TAS1R2: variants seen among roughly 807,000 people sequenced by gnomAD.
TAS1R2 encodes the protein taste 1 receptor member 2, also known as taste receptor type 1 member 2.
A neutral mutation model predicts 49.3 loss-of-function variants in TAS1R2; 47 were observed. That is an observed-to-expected ratio of 0.95 (90% CI 0.75 to 1.22). The LOEUF (loss-of-function observed/expected upper bound fraction) is 1.22, where lower values mean the gene tolerates loss of function less well. TAS1R2 is among the 50% of genes most tolerant of loss of function. TAS1R2 has a pLI of 0.00. For synonymous variants in TAS1R2, 479 were observed against 467.9 expected (o/e 1.02, Z -0.31); for missense variants, 1,155 against 1,122.1 (o/e 1.03, Z -0.42).
exon 6 of TAS1R2, chr1:18,839,764 C>A: frequency 6.2e-7 from 1 of 1,614,206 alleles, no homozygotes; most frequent in Non-Finnish European, 8.5e-7. Context: ...TGACCAGCAC[C>A]CCGCTGTAGG....
chr1:18,843,062 A>G (rs1202470930), intron 4 of TAS1R2, among the ~76,000 whole-genome samples: 1 of 152,228 alleles, frequency 6.6e-6, no homozygotes, highest in Non-Finnish European at 1.5e-5. Context: ...AAGAAGAAAG[A>G]TGTTACATCA....
intron 4 of TAS1R2, among the ~76,000 whole-genome samples, chr1:18,847,506 A>G (rs1187088069): frequency 6.6e-6 from 1 of 152,054 alleles, no homozygotes; most frequent in Non-Finnish European, 1.5e-5. Context: ...AACTGGGGAT[A>G]GAGTGCTGTC....
At chr1:18,859,365 G>A in intron 1 of TAS1R2, 114 bp downstream of exon 1, 1 of 1,280,818 alleles carries the variant, frequency 7.8e-7, no homozygotes, top group Non-Finnish European at 1.1e-6. Flanking sequence ...GCAATGAATG[G>A]GGAGGAGTGC....
chr1:18,850,725 G>C (rs766884446), intron 3 of TAS1R2, among the ~76,000 whole-genome samples: 2 of 152,276 alleles, frequency 1.3e-5, no homozygotes, highest in Non-Finnish European at 2.9e-5. Context: ...CTGAGTGGGT[G>C]GGAGCCTAGA....
At position 18,854,598 on chromosome 1, in the gene TAS1R2, T is replaced by G; in HGVS notation, c.872A>C (p.Gln291Pro). ...GATCCACACGGCGCCAGTGAAGTTCTGGCGCAGCACCTCATTGAAGAAGTG... is the reference window on the plus strand; with the variant it reads ...GATCCACACGGCGCCAGTGAAGTTCGGGCGCAGCACCTCATTGAAGAAGTG... The change falls in exon 3 of 6, where the codon CAG (glutamine) becomes CCG (proline). Residue 291 changes from glutamine to proline, a missense_variant. By Grantham distance (76) the Gln-to-Pro change is moderately conservative (BLOSUM62 -1). Coordinates refer to ENST00000375371, the Ensembl canonical transcript of TAS1R2. This position sits in a 1 kb window ranked among gnomAD's most constrained non-coding sequence, Gnocchi z 4.9. 6.2e-7 allele frequency: 1 copy of G among 1,614,050 alleles called. No homozygotes were observed. The highest frequency in any genetic ancestry group is 2.2e-5 in the East Asian group (1 of 44,866).
At chr1:18,844,182 T>G (rs1364641120) in intron 4 of TAS1R2, among the ~76,000 whole-genome samples, 1 of 152,164 alleles carries the variant, frequency 6.6e-6, no homozygotes, top group Non-Finnish European at 1.5e-5. Context: ...ACTGCTTGTA[T>G]GTGGAGATGC....
chr1:18,849,690 G>A (rs760128829), intron 3 of TAS1R2, 140 bp from the exon 4 acceptor site: 45 of 982,708 alleles, frequency 4.6e-5, no homozygotes, highest in Non-Finnish European at 5.7e-5. Context: ...TCTCCGAAAG[G>A]GTGGCAATTT....
chr1:18,847,498 C>G (rs1039663765), intron 4 of TAS1R2, among the ~76,000 whole-genome samples: 1 of 152,182 alleles, frequency 6.6e-6, no homozygotes, highest in Admixed American at 6.5e-5. Context: ...ACCTCTGCAA[C>G]TGGGGATAGA....
In TAS1R2 at chr1:18,854,855, C is replaced by A. The variant is rs992885491; in HGVS notation, c.615G>T (p.Trp205Cys). ...TGTCGCTGCTCACCAGCACAATGATCCAGTTCCAGCGGAAGTGCAGCATCA... is the reference window on the plus strand; with the variant it reads ...TGTCGCTGCTCACCAGCACAATGATACAGTTCCAGCGGAAGTGCAGCATCA... The change falls in exon 3 of 6, where the codon TGG (tryptophan) becomes TGT (cysteine). Residue 205 changes from tryptophan to cysteine, a missense_variant. Trp to Cys is a radical substitution (Grantham distance 215, BLOSUM62 -2). Coordinates refer to ENST00000375371, the Ensembl canonical transcript of TAS1R2. The surrounding 1 kb of genome is among the most constrained non-coding windows in gnomAD (Gnocchi z 4.9). 2 of 1,610,728 alleles carry A rather than the reference C, an allele frequency of 1.2e-6. No individual in the cohort carries two copies. The highest frequency in any genetic ancestry group is 1.7e-6 in the Non-Finnish European group (2 of 1,179,812).
chr1:18,855,428 C>T (rs905723163), intron 2 of TAS1R2, among the ~76,000 whole-genome samples: 1 of 152,190 alleles, frequency 6.6e-6, no homozygotes, highest in Non-Finnish European at 1.5e-5. Context: ...CATTTCTTCC[C>T]TCCACCTCCA....
intron 2 of TAS1R2, 100 bp from the exon 3 acceptor site, chr1:18,855,086 G>T: frequency 6.9e-7 from 1 of 1,448,766 alleles, no homozygotes; most frequent in Non-Finnish European, 9.3e-7. Flanking sequence ...AGCACCTAGT[G>T]CAAGCCACCC....
chr1:18,839,697 A>C, exon 6 of TAS1R2: 1 of 1,614,228 alleles, frequency 6.2e-7, no homozygotes, highest in Non-Finnish European at 8.5e-7. Flanking sequence ...TTGGGGCCGA[A>C]GTAGCCCAGG....
intron 2 of TAS1R2, 98 bp downstream of exon 2, chr1:18,857,233 C>T: frequency 7.4e-7 from 1 of 1,352,144 alleles, no homozygotes; most frequent in Non-Finnish European, 1.0e-6. Context: ...CCTATCATCA[C>T]CTCCCATGAT....
chr1:18,845,562 T>C lies in TAS1R2; in HGVS notation c.1468-3710A>G, dbSNP rs113499775. ...GGAATACTTCCACCAGCAGACACTA[T>C]AGGGCTCTACGATTACCATGTGGTC... On this transcript the variant is annotated intron_variant, in intron 4 of 5. Coordinates refer to ENST00000375371, the Ensembl canonical transcript of TAS1R2. Among the ~76,000 whole-genome samples the C allele has an allele frequency of 1.3e-3, 205 of 152,318 alleles. 1 individual carries two copies. The highest frequency in any genetic ancestry group is 4.6e-3 in the African/African-American group (191 of 41,588).
chr1:18,855,164 T>C (rs1205770062), intron 2 of TAS1R2, among the ~76,000 whole-genome samples, 178 bp from the exon 3 acceptor site: 1 of 152,174 alleles, frequency 6.6e-6, no homozygotes, highest in Non-Finnish European at 1.5e-5. Context: ...AATAAGAACC[T>C]ACTGTGTGCC....
intron 3 of TAS1R2, among the ~76,000 whole-genome samples, chr1:18,852,359 C>A (rs1385665961): frequency 6.6e-6 from 1 of 152,206 alleles, no homozygotes; most frequent in African/African-American, 2.4e-5. Flanking sequence ...ATTCAGGCCA[C>A]AAAGCCATGT....
intron 1 of TAS1R2, 141 bp downstream of exon 1, chr1:18,859,338 C>T: frequency 1.9e-6 from 2 of 1,065,770 alleles, no homozygotes; most frequent in Non-Finnish European, 1.4e-6. Context: ...GGGCATGGAT[C>T]CAGAATAAGG....
chr1:18,854,454 C>T lies in TAS1R2; in HGVS notation c.1016G>A (p.Arg339His). The change falls in exon 3 of 6, where the codon CGC becomes CAC. Residue 339 changes from arginine (R) to histidine (H), a missense_variant. Physicochemically the swap from Arg to His is conservative, Grantham distance 29. Coordinates refer to ENST00000375371, the Ensembl canonical transcript of TAS1R2. The surrounding 1 kb of genome is among the most constrained non-coding windows in gnomAD (Gnocchi z 4.9). The stretch of plus-strand genomic sequence containing the variant: ...CGGCCCAGCCTGTGGGCCCCACTCG[C>T]GGAACTCACTGAAGCCCGGGATGGG... 7 of 1,614,148 alleles carry T rather than the reference C, an allele frequency of 4.3e-6. No homozygotes were observed. The highest frequency in any genetic ancestry group is 5.9e-6 in the Non-Finnish European group (7 of 1,180,026).
At chr1:18,859,352 T>C in intron 1 of TAS1R2, 127 bp downstream of exon 1, 3 of 1,160,528 alleles carry the variant, frequency 2.6e-6, no homozygotes, top group Non-Finnish European at 3.7e-6. Flanking sequence ...AATAAGGGGG[T>C]TGGCAATGAA....
Sources: gnomAD v4.1 joint callset for allele counts (sites outside exome capture counted in the v4.1 genomes callset) on GRCh38, gnomAD v4.1.1 for gene constraint, Gnocchi (gnomAD v3.1) non-coding constraint, MANE v1.5 for transcripts, NCBI Gene and HGNC (gene_info 2026-07-23, HGNC 2026-07-21) for gene names.